The following SUPT20H variants were observed in gnomAD, a reference collection of about 807,000 sequenced individuals.
SUPT20H encodes the protein transcription factor SPT20 homolog.
Under a neutral mutation model 122.8 loss-of-function variants are expected in SUPT20H, and 82 were observed. That is an observed-to-expected ratio of 0.67 (90% CI 0.56 to 0.80). The LOEUF (loss-of-function observed/expected upper bound fraction) is 0.80. Ranked by LOEUF, SUPT20H falls within the 30% of genes least tolerant of loss-of-function variation. SUPT20H has a pLI of 0.00. For missense variants in SUPT20H, 831 were observed against 921.6 expected (o/e 0.90, Z 1.27); for synonymous variants, 291 against 313.0 (o/e 0.93, Z 0.74).
intron 1 of SUPT20H, among the ~76,000 whole-genome samples, chr13:37,055,563 T>C (rs978732124): frequency 6.6e-6 from 1 of 152,170 alleles, no homozygotes; most frequent in South Asian, 2.1e-4. Flanking sequence ...TGGCTAGCCA[T>C]ATGTAGAAAG....
At chr13:37,030,069 AAC>A (rs1261836421) in intron 12 of SUPT20H, among the ~76,000 whole-genome samples, 3 of 152,234 alleles carry the variant, frequency 2.0e-5, no homozygotes, top group South Asian at 2.1e-4. Flanking sequence ...AGTGTTAATA[AAC>A]ACAGCTGCTT....
chr13:37,053,600 T>C (rs191924016), intron 1 of SUPT20H, among the ~76,000 whole-genome samples: 2 of 151,954 alleles, frequency 1.3e-5, no homozygotes, highest in African/African-American at 4.8e-5. Context: ...AGATGACGGG[T>C]TGATAGGTAC....
At chr13:37,055,612 T>G (rs2068776114) in intron 1 of SUPT20H, among the ~76,000 whole-genome samples, 2 of 152,134 alleles carry the variant, frequency 1.3e-5, no homozygotes, top group South Asian at 4.1e-4. Flanking sequence ...ACACAAAAAT[T>G]AATTCAAGAT....
At chr13:37,013,738 A>G (rs1049358551) in intron 23 of SUPT20H, 2 of 152,056 alleles carry the variant, frequency 1.3e-5, no homozygotes, top group Non-Finnish European at 2.9e-5. Flanking sequence ...TTGCAAGCCA[A>G]ACATTTCAAA....
Position 37,045,304 on chromosome 13 carries a change from T to G in SUPT20H, c.235A>C (p.Asn79His). ...MQETLSCLVV[N>H]LYPGNEGYSL... The stretch of plus-strand genomic sequence containing the variant: ...TATCCCTCATTTCCTGGGTATAGAT[T>G]GACCACTAAACATGACAAAGTCTCT... The change falls in exon 6 of 26, where the codon AAT (asparagine) becomes CAT (histidine). Residue 79 changes from asparagine (N) to histidine (H), a missense_variant. Transcript: ENST00000350612. 1 of 1,613,828 alleles carries G rather than the reference T, an allele frequency of 6.2e-7. No homozygotes were observed. The highest frequency in any genetic ancestry group is 8.5e-7 in the Non-Finnish European group (1 of 1,179,800).
chr13:37,054,538 C>T (rs1452527731), intron 1 of SUPT20H, among the ~76,000 whole-genome samples: 2 of 152,144 alleles, frequency 1.3e-5, no homozygotes, highest in African/African-American at 4.8e-5. Flanking sequence ...TCAATAGATG[C>T]AGAAAAGGCC....
chr13:37,047,869 T>G lies in SUPT20H; in HGVS notation c.98+9A>C. ...TGAATCTAAGATGTTACCAATTAATTATTCATACCTTCCACTTGATAGGTA... is the reference window on the plus strand; with the variant it reads ...TGAATCTAAGATGTTACCAATTAATGATTCATACCTTCCACTTGATAGGTA... On this transcript the variant is annotated intron_variant, in intron 4 of 25. Transcript: ENST00000350612. The G allele has an allele frequency of 6.3e-7, 1 of 1,599,616 alleles. No individual in the cohort carries two copies. Among genetic ancestry groups the G allele is most frequent in the Non-Finnish European group, 8.5e-7 (1 of 1,172,796 alleles).
chr13:37,035,552 CCTCT>C (rs2064202467), intron 9 of SUPT20H, among the ~76,000 whole-genome samples: 2 of 151,456 alleles, frequency 1.3e-5, no homozygotes, highest in South Asian at 4.2e-4. Context: ...TCAGAGTCTC[CCTCT>C]GTCGCCCAGG....
At chr13:37,025,519 ATT>A in intron 16 of SUPT20H, 82 bp from the exon 17 acceptor site, 1 of 873,144 alleles carries the variant, frequency 1.1e-6, no homozygotes, top group Non-Finnish European at 1.8e-6. Context: ...AATAATGACT[ATT>A]AATGGCAAAA....
At chr13:37,033,128 T>G (rs1292296114) in intron 10 of SUPT20H, among the ~76,000 whole-genome samples, 1 of 151,260 alleles carries the variant, frequency 6.6e-6, no homozygotes, top group Non-Finnish European at 1.5e-5. Flanking sequence ...ATCTAAAGCA[T>G]AGAGCATTTA....
rs199725914 is a variant in SUPT20H, at chr13:37,026,199, T to C, written c.1211+5A>G. ...GACCAAAATAAGAGATGCAAATATT[T>C]TTACCTCTCAGCATCGGTCTTTGAT... On this transcript the variant is annotated splice_donor_5th_base_variant and intron_variant, in intron 16 of 25. Coordinates refer to ENST00000350612, the MANE Select transcript of SUPT20H (RefSeq NM_001014286.3). 2.3e-3 allele frequency: 3,536 copies of C among 1,559,222 alleles called. 9 individuals carry two copies. Among genetic ancestry groups the C allele is most frequent in the Non-Finnish European group, 2.8e-3 (3,277 of 1,160,774 alleles).
intron 4 of SUPT20H, 126 bp from the exon 5 acceptor site, chr13:37,047,727 C>G (rs751081024): frequency 3.2e-5 from 38 of 1,199,148 alleles, no homozygotes; most frequent in Non-Finnish European, 3.9e-5. Context: ...TGGGGTGGAG[C>G]TGAATATAGT....
At chr13:37,034,022 G>A (rs2063892214) in intron 9 of SUPT20H, among the ~76,000 whole-genome samples, 1 of 152,156 alleles carries the variant, frequency 6.6e-6, no homozygotes. Context: ...AAGAAATGAT[G>A]TATGTTCTCT....
intron 13 of SUPT20H, 78 bp from the exon 14 acceptor site, chr13:37,028,383 A>G (rs943816952): frequency 2.0e-5 from 26 of 1,313,636 alleles, no homozygotes; most frequent in Non-Finnish European, 2.6e-5. Flanking sequence ...TCAGGAATAA[A>G]TGATACAGTA....
chr13:37,012,268 T>G lies in SUPT20H; in HGVS notation c.2022A>C (p.Glu674Asp). 6.2e-7 allele frequency: 1 copy of G among 1,613,354 alleles called. No individual in the cohort carries two copies. The highest frequency in any genetic ancestry group is 8.5e-7 in the Non-Finnish European group (1 of 1,179,428). ...CAGCTTGCTGAGCAGATAAGGCCTGTTCTTGACTGGTTGAACCTTGCTCAG... is the reference window on the plus strand; with the variant it reads ...CAGCTTGCTGAGCAGATAAGGCCTGGTCTTGACTGGTTGAACCTTGCTCAG... ...QGSEQGSTSQ[E>D]QALSAQQAAV... is the part of the protein sequence containing the mutation. The change falls in exon 24 of 26, where the codon GAA (glutamate) becomes GAC (aspartate). Residue 674 changes from glutamate (E) to aspartate (D), a missense_variant. By Grantham distance (45) the Glu-to-Asp change is conservative. Transcript: ENST00000350612.
intron 1 of SUPT20H, among the ~76,000 whole-genome samples, chr13:37,055,605 C>T (rs1387077691): frequency 2.0e-5 from 3 of 152,144 alleles, no homozygotes; most frequent in African/African-American, 7.2e-5. Context: ...AGCCCTTACA[C>T]AAAAATTAAT....
rs758133452 is a variant in SUPT20H at position 37,047,452 on chromosome 13, A to C, written c.165+83T>G. 367 of 1,337,978 alleles carry C rather than the reference A, an allele frequency of 2.7e-4. 1 individual carries two copies. Among genetic ancestry groups the C allele is most frequent in the Non-Finnish European group, 3.4e-4 (343 of 1,022,746 alleles). 82.9% of individuals were successfully genotyped at this position (1,337,978 alleles called of 1,614,324 possible). A position where few individuals can be genotyped will look rare whatever the true frequency, so the allele number is the denominator to read the frequency against. On this transcript the variant is annotated intron_variant, in intron 5 of 25. Coordinates refer to ENST00000350612, the MANE Select transcript of SUPT20H (RefSeq NM_001014286.3). ...AGATGTTAGTTCACTCACACACACAAAAATAATACTCCAAATGTAACTCCT... is the reference window on the plus strand; with the variant it reads ...AGATGTTAGTTCACTCACACACACACAAATAATACTCCAAATGTAACTCCT...
chr13:37,013,268 G>A (rs2059904060), intron 23 of SUPT20H: 2 of 152,180 alleles, frequency 1.3e-5, no homozygotes, highest in Middle Eastern at 3.4e-3. Flanking sequence ...TAATGAAACA[G>A]AACAGGGAAC....
In SUPT20H at chr13:37,031,815, A is replaced by G; in HGVS notation, c.788T>C (p.Leu263Ser). The G allele has an allele frequency of 6.2e-7, 1 of 1,610,686 alleles. No homozygotes were observed. Among genetic ancestry groups the G allele is most frequent in the Non-Finnish European group, 8.5e-7 (1 of 1,178,742 alleles). ...CTTTCTTTTTTGTAAGAAATCAAGT[A>G]ACCTCAGCTGAGGAGGAGGTGGACA... The part of the protein sequence containing the change: ...SHCPPPPQLR[L>S]LDFLQKRKER... The change falls in exon 11 of 26, where the codon TTA (leucine) becomes TCA (serine). Residue 263 changes from leucine (L) to serine (S), a missense_variant. Physicochemically the swap from Leu to Ser is moderately radical, Grantham distance 145. Transcript: ENST00000350612.
Sources: gnomAD v4.1 joint callset for allele counts (sites outside exome capture counted in the v4.1 genomes callset) on GRCh38, gnomAD v4.1.1 for gene constraint, MANE v1.5 for transcripts, NCBI Gene and HGNC (gene_info 2026-07-23, HGNC 2026-07-21) for gene names.